Variants in CYP4Z1 observed in about 807,000 individuals in gnomAD.
The protein encoded by CYP4Z1 is cytochrome P450 family 4 subfamily Z member 1.
Under a neutral mutation model 54.2 loss-of-function variants are expected in CYP4Z1, and 41 were observed. That is an observed-to-expected ratio of 0.76 (90% confidence interval 0.59 to 0.98). CYP4Z1 has a LOEUF of 0.98. Ranked by LOEUF, CYP4Z1 falls within the 50% of genes least tolerant of loss-of-function variation. The pLI, the probability that CYP4Z1 is intolerant of heterozygous loss-of-function variation, is 0.00. For synonymous variants in CYP4Z1, 163 were observed against 206.2 expected (o/e 0.79, Z 1.79); for missense variants, 513 against 599.0 (o/e 0.86, Z 1.50).
At chr1:47,102,450 T>G (rs1447689842) in intron 8 of CYP4Z1, among the ~76,000 whole-genome samples, 1 of 152,204 alleles carries the variant, frequency 6.6e-6, no homozygotes. Context: ...CTTCAAGTAT[T>G]TTCATTATGG....
intron 6 of CYP4Z1, among the ~76,000 whole-genome samples, chr1:47,087,799 TTTG>T (rs1198216482): frequency 4.6e-5 from 7 of 152,198 alleles, no homozygotes; most frequent in African/African-American, 9.7e-5. Flanking sequence ...GCTTCCAGGT[TTTG>T]CCCATTCAGT....
Position 47,067,701 on chromosome 1 carries a change from G to A in CYP4Z1, c.177+34G>A, listed in dbSNP as rs184537310. The A allele has an allele frequency of 1.1e-3, 1,709 of 1,541,152 alleles. 18 individuals are homozygous for A. In the South Asian group the frequency reaches 0.012, roughly 11 times the overall value. On this transcript the variant is annotated intron_variant, in intron 1 of 11. Coordinates refer to ENST00000334194, the MANE Select transcript of CYP4Z1 (RefSeq NM_178134.3). Reference sequence around the variant, plus strand: ...AGAAAATTAGTTGGGGAGGTTAAGGGACAGAAAGATGAGGTATTAAAAAAA... The same window carrying A: ...AGAAAATTAGTTGGGGAGGTTAAGGAACAGAAAGATGAGGTATTAAAAAAA...
At chr1:47,113,774 C>T (rs189799068) in intron 9 of CYP4Z1, among the ~76,000 whole-genome samples, 72 of 152,142 alleles carry the variant, frequency 4.7e-4, no homozygotes, top group Admixed American at 1.1e-3. Context: ...AACTACAAAC[C>T]GCTGCTCAAT....
At position 47,084,733 on chromosome 1, in the gene CYP4Z1, C is replaced by T; in HGVS notation, c.606C>T (p.Ile202=). 6.2e-7 allele frequency: 1 copy of T among 1,613,258 alleles called. No individual in the cohort carries two copies. Among genetic ancestry groups the T allele is most frequent in the Non-Finnish European group, 8.5e-7 (1 of 1,179,830 alleles). ...MKCAFSHQGS[I]QLDSTLDSYL... ...GTGCCTTCAGCCACCAGGGCAGCAT[C>T]CAGTTGGACAGGTCAGTGACAAAAG... The change falls in exon 5 of 12, where the codon ATC becomes ATT. Residue 202 remains isoleucine (I), a synonymous_variant. Transcript: ENST00000334194.
At chr1:47,113,851 G>A (rs1294318629) in intron 9 of CYP4Z1, among the ~76,000 whole-genome samples, 6 of 152,154 alleles carry the variant, frequency 3.9e-5, no homozygotes, top group Admixed American at 2.0e-4. Context: ...AATCAATATC[G>A]TGAAAATGGC....
upstream of CYP4Z1, among the ~76,000 whole-genome samples, chr1:47,065,436 G>A (rs966410509): frequency 1.2e-4 from 18 of 151,872 alleles, no homozygotes; most frequent in Non-Finnish European, 2.4e-4. Flanking sequence ...AATAATTTTG[G>A]GGTCAACAAT....
chr1:47,099,811 T>G (rs1259061815), intron 8 of CYP4Z1, among the ~76,000 whole-genome samples: 2 of 152,224 alleles, frequency 1.3e-5, no homozygotes, highest in African/African-American at 4.8e-5. Context: ...GATCATGTTT[T>G]AAAAACTTTA....
intron 7 of CYP4Z1, among the ~76,000 whole-genome samples, chr1:47,094,932 C>T (rs1644666148): frequency 6.6e-6 from 1 of 151,980 alleles, no homozygotes; most frequent in African/African-American, 2.4e-5. Context: ...CGTTTGAACC[C>T]AGGAGGTGGT....
chr1:47,065,861 C>A (rs991385663), upstream of CYP4Z1, among the ~76,000 whole-genome samples: 4 of 151,932 alleles, frequency 2.6e-5, no homozygotes, highest in African/African-American at 4.8e-5. Flanking sequence ...CAAACTGATA[C>A]CAGAGAAATA....
At chr1:47,084,106 T>C (rs1167964780) in intron 4 of CYP4Z1, among the ~76,000 whole-genome samples, 4 of 152,150 alleles carry the variant, frequency 2.6e-5, no homozygotes, top group Non-Finnish European at 5.9e-5. Flanking sequence ...ACATCTGAAT[T>C]CTAATATATA....
chr1:47,092,661 A>G (rs191401435), intron 6 of CYP4Z1, among the ~76,000 whole-genome samples: 129 of 152,048 alleles, frequency 8.5e-4, no homozygotes, highest in Middle Eastern at 6.8e-3. Context: ...CTATTTCTTC[A>G]CTTTCCCTAT....
chr1:47,084,807 C>T lies in CYP4Z1; in HGVS notation c.618-17C>T. On this transcript the variant is annotated splice_polypyrimidine_tract_variant and intron_variant, in intron 5 of 11. Coordinates refer to ENST00000334194, the MANE Select transcript of CYP4Z1 (RefSeq NM_178134.3). The stretch of plus-strand genomic sequence containing the variant: ...TGTGTCACCCACTAACATGTTGTTC[C>T]ATCTTCCCTATTCCAGTACCCTGGA... 3.2e-6 allele frequency: 5 copies of T among 1,581,544 alleles called. No individual in the cohort carries two copies. The highest frequency in any genetic ancestry group is 4.3e-6 in the Non-Finnish European group (5 of 1,168,074).
chr1:47,061,502 C>T, the CYP4Z1 span, among the ~76,000 whole-genome samples: 1 of 152,042 alleles, frequency 6.6e-6, no homozygotes, highest in Non-Finnish European at 1.5e-5. Context: ...AATCCCTAAA[C>T]CGACCGATAA....
At chr1:47,063,924 C>CT (rs1270737978), upstream of CYP4Z1, among the ~76,000 whole-genome samples, 6 of 152,074 alleles carry the variant, frequency 3.9e-5, no homozygotes, top group Admixed American at 2.0e-4. Flanking sequence ...AGTTCATCAC[C>CT]TAGGCACATA....
At chr1:47,115,672 G>A in intron 10 of CYP4Z1, 79 bp downstream of exon 10, 2 of 1,323,454 alleles carry the variant, frequency 1.5e-6, no homozygotes, top group Non-Finnish European at 2.1e-6. Flanking sequence ...AGTTGAGAGA[G>A]CAGTTAGGAT....
intron 10 of CYP4Z1, 56 bp downstream of exon 10, chr1:47,115,649 G>C: frequency 6.6e-7 from 1 of 1,503,964 alleles, no homozygotes; most frequent in Non-Finnish European, 9.2e-7. Context: ...AGAGGGAAGA[G>C]AAGCATCTTC....
At chr1:47,086,155 C>T (rs1366240420) in intron 6 of CYP4Z1, among the ~76,000 whole-genome samples, 7 of 152,090 alleles carry the variant, frequency 4.6e-5, no homozygotes, top group East Asian at 1.9e-4. Flanking sequence ...AGTAAACACA[C>T]GTGTGCATGT....
At chr1:47,089,508 T>C (rs1644622880) in intron 6 of CYP4Z1, among the ~76,000 whole-genome samples, 1 of 152,128 alleles carries the variant, frequency 6.6e-6, no homozygotes, top group Middle Eastern at 3.2e-3. Flanking sequence ...TATGTTAATG[T>C]TTCTGGTAAT....
intron 8 of CYP4Z1, among the ~76,000 whole-genome samples, chr1:47,103,853 C>A (rs1644738242): frequency 6.6e-6 from 1 of 152,018 alleles, no homozygotes; most frequent in South Asian, 2.1e-4. Context: ...GCCTCTGCCT[C>A]CCAAAGTGCT....
Sources: gnomAD v4.1 joint callset for allele counts (sites outside exome capture counted in the v4.1 genomes callset) on GRCh38, gnomAD v4.1.1 for gene constraint, MANE v1.5 for transcripts, NCBI Gene and HGNC (gene_info 2026-07-23, HGNC 2026-07-21) for gene names.